Variants in RPAP3 observed in about 807,000 individuals in gnomAD.
RPAP3 encodes RNA polymerase II associated protein 3, also known as RNA polymerase II-associated protein 3.
RPAP3 carries 58 observed loss-of-function variants against 88.8 expected under a neutral mutation model. The ratio of observed to expected loss-of-function variants is 0.65; its 90% CI spans 0.53 to 0.81. The LOEUF (loss-of-function observed/expected upper bound fraction) is 0.81, where lower values mean the gene tolerates loss of function less well. Ranked by LOEUF, RPAP3 falls within the 40% of genes least tolerant of loss-of-function variation. The pLI, the probability that RPAP3 is intolerant of heterozygous loss-of-function variation, is 0.00. For missense variants in RPAP3, 751 were observed against 764.3 expected, an observed-to-expected ratio of 0.98 and a Z score of 0.20; for synonymous variants, 255 against 259.9, an observed-to-expected ratio of 0.98 and a Z score of 0.18.
intron 13 of RPAP3, 129 bp downstream of exon 13, chr12:47,669,978 C>T (rs1211731592): frequency 3.3e-6 from 2 of 613,550 alleles, no homozygotes; most frequent in Non-Finnish European, 5.7e-6. Context: ...AAAAGAAAAG[C>T]TAGAAACTTA....
chr12:47,666,313 C>T (rs567623181), intron 16 of RPAP3, among the ~76,000 whole-genome samples: 21 of 152,172 alleles, frequency 1.4e-4, no homozygotes, highest in Non-Finnish European at 3.1e-4. Context: ...TCATCACCTG[C>T]CACTCATTAC....
chr12:47,672,324 T>C (rs1056850945), intron 12 of RPAP3, among the ~76,000 whole-genome samples: 2 of 152,238 alleles, frequency 1.3e-5, no homozygotes, highest in African/African-American at 4.8e-5. Context: ...TTCTCTTCTC[T>C]ACTTTCCGTA....
chr12:47,701,762 T>G (rs1189422422), intron 2 of RPAP3, among the ~76,000 whole-genome samples, 158 bp from the exon 3 acceptor site: 3 of 152,244 alleles, frequency 2.0e-5, no homozygotes. Context: ...TTATAACAAT[T>G]ATACTTTAAA....
Position 47,697,446 on chromosome 12 carries a change from CCAT to C in RPAP3, c.417+148_417+150del, listed in dbSNP as rs1372977613. ...GCTCCAGAGCATGTACTCCTAACCA[CCAT>C]GTTACAATGCCTCCAGAGAGGGATG... is the stretch of plus-strand genomic sequence containing the variant. On this transcript the variant is annotated intron_variant, in intron 4 of 16. Coordinates refer to ENST00000005386, the MANE Select transcript of RPAP3 (RefSeq NM_024604.3). 5 of 620,328 alleles carry C rather than the reference CCAT, an allele frequency of 8.1e-6. No individual in the cohort carries two copies. The Admixed American group carries it at 1.5e-4, about 19-fold the overall frequency. 38.4% of individuals were successfully genotyped at this position (620,328 alleles called of 1,614,324 possible).
At chr12:47,696,052 C>G (rs1177789645) in intron 5 of RPAP3, 1 of 341,810 alleles carries the variant, frequency 2.9e-6, no homozygotes, top group Non-Finnish European at 5.2e-6. Context: ...AGAGGAATAC[C>G]TCAGTAAAGT....
At chr12:47,674,583 G>A (rs75854300) in intron 12 of RPAP3, among the ~76,000 whole-genome samples, 1 of 152,212 alleles carries the variant, frequency 6.6e-6, no homozygotes, top group African/African-American at 2.4e-5. Context: ...ACCATGGCAT[G>A]AGAACTTCGT....
chr12:47,699,559 A>G (rs1256275250), intron 3 of RPAP3: 1 of 152,240 alleles, frequency 6.6e-6, no homozygotes, highest in Non-Finnish European at 1.5e-5. Context: ...ATTAAGAAAA[A>G]TACCACACAA....
At chr12:47,679,815 T>C (rs755400118) in intron 10 of RPAP3, 41 bp from the exon 11 acceptor site, 2 of 1,380,072 alleles carry the variant, frequency 1.4e-6, no homozygotes, top group African/African-American at 1.4e-5. Flanking sequence ...ATAGTTAAAA[T>C]GTGGAGTTTT....
intron 5 of RPAP3, among the ~76,000 whole-genome samples, chr12:47,693,587 G>C (rs1470068441): frequency 6.6e-6 from 1 of 152,190 alleles, no homozygotes; most frequent in Non-Finnish European, 1.5e-5. Flanking sequence ...AACAAGGTAT[G>C]CCTATAATTC....
Position 47,667,005 on chromosome 12 carries a change from C to A in RPAP3, c.1887G>T (p.Met629Ile). The change falls in exon 16 of 17, where the codon ATG (methionine) becomes ATT (isoleucine). Residue 629 changes from methionine to isoleucine, a missense_variant. Met to Ile is a conservative substitution (Grantham distance 10). Transcript: ENST00000005386. ...TCTTTTTCTCTGTTTCTGACATAAACATCACTGCCATATCAAACCTTTTTA... is the reference window on the plus strand; with the variant it reads ...TCTTTTTCTCTGTTTCTGACATAAAAATCACTGCCATATCAAACCTTTTTA... ...SELKRFDMAVMFMSETEKKIA... is the reference protein window; with the variant it reads ...SELKRFDMAVIFMSETEKKIA... The A allele has an allele frequency of 6.5e-7, 1 of 1,540,294 alleles. No individual in the cohort carries two copies. Among genetic ancestry groups the A allele is most frequent in the Admixed American group, 2.3e-5 (1 of 42,996 alleles).
intron 12 of RPAP3, among the ~76,000 whole-genome samples, chr12:47,670,832 ACT>A (rs1938983533): frequency 6.6e-6 from 1 of 152,136 alleles, no homozygotes; most frequent in Non-Finnish European, 1.5e-5. Context: ...AGGAGTCTGG[ACT>A]CTATTCTAGG....
intron 1 of RPAP3, among the ~76,000 whole-genome samples, chr12:47,705,715 G>A (rs925314949): frequency 2.0e-5 from 3 of 152,242 alleles, no homozygotes; most frequent in African/African-American, 4.8e-5. Flanking sequence ...AGGGTGGAGG[G>A]TCCGCCTGCA....
rs138605014 is a variant in RPAP3 at position 47,670,261 on chromosome 12, G to A, written c.1372C>T (p.Pro458Ser). Residue 458 changes from proline to serine, a missense_variant, in exon 13 of 17, where the codon CCA (proline) becomes TCA (serine). Pro to Ser is a moderately conservative substitution (Grantham distance 74, BLOSUM62 -1). Coordinates refer to ENST00000005386, the MANE Select transcript of RPAP3 (RefSeq NM_024604.3). ...GCTAGATTAATAGGATTATTCTCTG[G>A]AGCAGCAGCAGTAGTGCTATCTGGC... ...DVPDSTTAAAPENNPINLANV... is the reference protein window; with the variant it reads ...DVPDSTTAAASENNPINLANV... The A allele has an allele frequency of 4.6e-4, 735 of 1,613,208 alleles. 1 individual carries two copies. The highest frequency in any genetic ancestry group is 5.9e-4 in the Non-Finnish European group (693 of 1,179,450).
chr12:47,687,177 T>C (rs1476947022), intron 8 of RPAP3, among the ~76,000 whole-genome samples: 1 of 152,164 alleles, frequency 6.6e-6, no homozygotes, highest in Non-Finnish European at 1.5e-5. Flanking sequence ...TAATTACATA[T>C]TACGCAAAGC....
intron 9 of RPAP3, among the ~76,000 whole-genome samples, chr12:47,682,125 C>A (rs931736048): frequency 6.6e-6 from 1 of 152,092 alleles, no homozygotes; most frequent in Non-Finnish European, 1.5e-5. Context: ...TACCTCTTCT[C>A]CAAGTCTCAA....
At chr12:47,702,593 T>G in intron 2 of RPAP3, 95 bp downstream of exon 2, 1 of 1,050,720 alleles carries the variant, frequency 9.5e-7, no homozygotes. Flanking sequence ...GCAAGTCACT[T>G]CAATTTCAGT....
intron 16 of RPAP3, among the ~76,000 whole-genome samples, chr12:47,665,241 T>C (rs1427367066): frequency 1.3e-5 from 2 of 151,574 alleles, no homozygotes; most frequent in East Asian, 1.9e-4. Context: ...GGATTACAGG[T>C]GTCTGCCACC....
At chr12:47,669,304 G>A (rs1938947487) in intron 13 of RPAP3, among the ~76,000 whole-genome samples, 2 of 152,070 alleles carry the variant, frequency 1.3e-5, no homozygotes, top group Non-Finnish European at 2.9e-5. Flanking sequence ...ATTTTCACAT[G>A]CTGGCTATGT....
intron 9 of RPAP3, among the ~76,000 whole-genome samples, chr12:47,683,424 A>T (rs1939263259): frequency 6.6e-6 from 1 of 152,184 alleles, no homozygotes; most frequent in African/African-American, 2.4e-5. Flanking sequence ...GTAAATCAAA[A>T]AATTTCCAAC....
Sources: gnomAD v4.1 joint callset for allele counts (sites outside exome capture counted in the v4.1 genomes callset) on GRCh38, gnomAD v4.1.1 for gene constraint, MANE v1.5 for transcripts, NCBI Gene and HGNC (gene_info 2026-07-23, HGNC 2026-07-21) for gene names.